The following C1orf21 variants were observed in gnomAD, a reference collection of about 807,000 sequenced individuals.
C1orf21 encodes uncharacterized protein C1orf21.
C1orf21 carries 3 observed loss-of-function variants against 18.7 expected under a neutral mutation model. The ratio of observed to expected loss-of-function variants is 0.16; its 90% CI spans 0.07 to 0.42. The LOEUF (loss-of-function observed/expected upper bound fraction) is 0.42, where lower values mean the gene tolerates loss of function less well. Among genes scored for constraint, C1orf21 ranks in the 10% least tolerant of loss-of-function variants. The pLI, the probability that C1orf21 is intolerant of heterozygous loss-of-function variation, is 0.99. For synonymous variants in C1orf21, 41 were observed against 46.4 expected, an observed-to-expected ratio of 0.88 and a Z score of 0.47; for missense variants, 104 against 143.6, an observed-to-expected ratio of 0.72 and a Z score of 1.41.
chr1:184,446,055 C>A (rs970972730), intron 1 of C1orf21, among the ~76,000 whole-genome samples: 1 of 152,054 alleles, frequency 6.6e-6, no homozygotes, highest in African/African-American at 2.4e-5. Flanking sequence ...TTAATTTTGA[C>A]AATTTTAATG....
chr1:184,446,992 A>T (rs1657044932), intron 1 of C1orf21, among the ~76,000 whole-genome samples: 1 of 152,084 alleles, frequency 6.6e-6, no homozygotes, highest in African/African-American at 2.4e-5. Flanking sequence ...TTCCATAAGA[A>T]AATATTAAAA....
chr1:184,425,651 G>A (rs1656626050), intron 1 of C1orf21, among the ~76,000 whole-genome samples: 1 of 152,102 alleles, frequency 6.6e-6, no homozygotes, highest in Admixed American at 6.5e-5. Context: ...CCTTATTCAG[G>A]TTTTTCCTGC....
chr1:184,595,467 C>T (rs1414966880), intron 4 of C1orf21, among the ~76,000 whole-genome samples: 1 of 152,118 alleles, frequency 6.6e-6, no homozygotes, highest in Non-Finnish European at 1.5e-5. Context: ...ATTCATGGTG[C>T]TGTGTGGATA....
At chr1:184,497,540 T>C (rs558990406) in intron 2 of C1orf21, among the ~76,000 whole-genome samples, 1 of 152,316 alleles carries the variant, frequency 6.6e-6, no homozygotes, top group Admixed American at 6.5e-5. Flanking sequence ...AGCACTGATT[T>C]TGGGAGATCT....
At position 184,628,821 on chromosome 1, in the gene C1orf21, C is replaced by T. The variant is rs1660059193; in HGVS notation, c.*9265C>T. The T allele has an allele frequency of 6.6e-6, 1 of 152,372 alleles. No homozygotes were observed. Among genetic ancestry groups the T allele is most frequent in the Non-Finnish European group, 1.5e-5 (1 of 67,990 alleles). 9.4% of individuals were successfully genotyped at this position (152,372 alleles called of 1,614,324 possible). On this transcript the variant is annotated 3_prime_UTR_variant, in exon 6 of 6. Transcript: ENST00000235307. ...CTCGAAGTGCTCCAGCAGTACTACC[C>T]CCCACGTAGCAGTGGGCCCATGTCG...
chr1:184,474,609 A>T (rs1307768898), intron 1 of C1orf21, among the ~76,000 whole-genome samples: 1 of 152,206 alleles, frequency 6.6e-6, no homozygotes, highest in Non-Finnish European at 1.5e-5. Context: ...CTTTGATAGC[A>T]TAAGAGGCTG....
chr1:184,401,084 T>C (rs1444550895), intron 1 of C1orf21, among the ~76,000 whole-genome samples: 2 of 152,250 alleles, frequency 1.3e-5, no homozygotes, highest in Non-Finnish European at 2.9e-5. Flanking sequence ...TTAATTTTTA[T>C]CTCTCTGATT....
At chr1:184,577,709 T>G (rs929522310) in intron 3 of C1orf21, among the ~76,000 whole-genome samples, 1 of 152,168 alleles carries the variant, frequency 6.6e-6, no homozygotes. Context: ...GAAAAAAAAC[T>G]GGCAAGGTTT....
At chr1:184,572,646 A>T (rs1659128419) in intron 3 of C1orf21, among the ~76,000 whole-genome samples, 1 of 152,088 alleles carries the variant, frequency 6.6e-6, no homozygotes, top group Non-Finnish European at 1.5e-5. Context: ...TCCATGCAAG[A>T]TTTTTTTTAA....
chr1:184,535,586 A>T (rs1658538699), intron 3 of C1orf21, among the ~76,000 whole-genome samples: 1 of 152,226 alleles, frequency 6.6e-6, no homozygotes, highest in Non-Finnish European at 1.5e-5. Flanking sequence ...GACATAGTGA[A>T]TTGAGAACAC....
intron 3 of C1orf21, 31 bp from the exon 4 acceptor site, chr1:184,590,708 T>C (rs1216998811): frequency 1.9e-6 from 3 of 1,573,942 alleles, no homozygotes; most frequent in Non-Finnish European, 8.7e-7. Flanking sequence ...TCTAATCCTG[T>C]CTTTCACATG....
At position 184,527,825 on chromosome 1, in the gene C1orf21, A is replaced by G. The variant is rs541852798; in HGVS notation, c.189+20143A>G. On this transcript the variant is annotated intron_variant, in intron 3 of 5. Coordinates refer to ENST00000235307, the MANE Select transcript of C1orf21 (RefSeq NM_030806.4). ...ACCTAACAGGATTGTTGTAAGGGCT[A>G]TCTGAGATAAGGTCAGGAAAGCACT... is the stretch of plus-strand genomic sequence containing the variant. 2.0e-5 allele frequency among the ~76,000 whole-genome samples: 3 copies of G among 152,308 alleles called. No individual in the cohort carries two copies. The South Asian group carries it at 6.2e-4, about 32-fold the overall frequency.
intron 1 of C1orf21, among the ~76,000 whole-genome samples, chr1:184,446,726 A>G (rs1030482415): frequency 9.2e-5 from 14 of 151,936 alleles, no homozygotes; most frequent in South Asian, 4.2e-4. Flanking sequence ...AAAAAACAAA[A>G]CAATATGAAA....
At chr1:184,393,361 C>A (rs539348627) in intron 1 of C1orf21, among the ~76,000 whole-genome samples, 2 of 152,144 alleles carry the variant, frequency 1.3e-5, no homozygotes, top group Admixed American at 1.3e-4. Context: ...TCCTCCCACC[C>A]ACTTCTCTCC....
intron 5 of C1orf21, among the ~76,000 whole-genome samples, chr1:184,608,559 T>A (rs1659684034): frequency 2.0e-5 from 3 of 152,246 alleles, no homozygotes; most frequent in Non-Finnish European, 2.9e-5. Context: ...ATTGCTGTTC[T>A]TATTGGCCAA....
At chr1:184,439,291 C>G (rs773536425) in intron 1 of C1orf21, among the ~76,000 whole-genome samples, 3 of 152,004 alleles carry the variant, frequency 2.0e-5, no homozygotes, top group African/African-American at 7.2e-5. Flanking sequence ...TGAAATCACA[C>G]TGCTCAGGTT....
rs141568118 is a variant in C1orf21, at chr1:184,537,776, G to A, written c.189+30094G>A. On this transcript the variant is annotated intron_variant, in intron 3 of 5. Transcript: ENST00000235307. ...AGCTACTCTCCTGCCTCAGCCTCCC[G>A]AGTAGCTAGGATTACAGGCATGCGC... 9.9e-3 allele frequency among the ~76,000 whole-genome samples: 1,511 copies of A among 152,042 alleles called. 25 individuals carry two copies. The highest frequency in any genetic ancestry group is 0.033 in the African/African-American group (1,356 of 41,460).
intron 1 of C1orf21, among the ~76,000 whole-genome samples, chr1:184,414,138 T>C (rs1025378813): frequency 1.3e-5 from 2 of 152,132 alleles, no homozygotes; most frequent in South Asian, 4.1e-4. Flanking sequence ...GTTGAATTAA[T>C]TTCACTTTTT....
intron 1 of C1orf21, among the ~76,000 whole-genome samples, chr1:184,476,483 G>A (rs943654021): frequency 6.6e-5 from 10 of 152,174 alleles, no homozygotes; most frequent in Admixed American, 6.5e-4. Context: ...TGAGGATGAT[G>A]AAAGCATAAA....
Sources: allele counts gnomAD v4.1 joint callset (sites outside exome capture counted in the v4.1 genomes callset), GRCh38; gene constraint gnomAD v4.1.1; transcripts MANE v1.5; gene names NCBI Gene and HGNC (gene_info 2026-07-23, HGNC 2026-07-21).